The following IWS1 variants were observed in gnomAD, a reference collection of about 807,000 sequenced individuals.
The protein encoded by IWS1 is interacts with SUPT6H, CTD assembly factor 1.
Under a neutral mutation model 86.7 loss-of-function variants are expected in IWS1, and 27 were observed. That is an observed-to-expected ratio of 0.31 (90% CI 0.23 to 0.43). IWS1 has a LOEUF of 0.43. Among genes scored for constraint, IWS1 ranks in the 20% least tolerant of loss-of-function variants. The pLI, the probability that IWS1 is intolerant of heterozygous loss-of-function variation, is 1.00. For synonymous variants in IWS1, 313 were observed against 335.1 expected, an observed-to-expected ratio of 0.93 and a Z score of 0.72; for missense variants, 827 against 1,000.8, an observed-to-expected ratio of 0.83 and a Z score of 2.34.
chr2:127,488,920 G>C (rs1690071422), intron 12 of IWS1, among the ~76,000 whole-genome samples: 1 of 152,082 alleles, frequency 6.6e-6, no homozygotes, highest in Admixed American at 6.6e-5. Flanking sequence ...TTTTTAATTT[G>C]TTTTTATATT....
At chr2:127,493,234 C>T (rs780759208) in intron 9 of IWS1, 47 bp downstream of exon 9, 1 of 1,562,096 alleles carries the variant, frequency 6.4e-7, no homozygotes, top group Admixed American at 1.8e-5. Context: ...ACCATACAGA[C>T]CACATTAGAT....
intron 13 of IWS1, among the ~76,000 whole-genome samples, chr2:127,481,717 T>A (rs1456765382): frequency 6.6e-6 from 1 of 152,162 alleles, no homozygotes; most frequent in African/African-American, 2.4e-5. Context: ...CTGCTCTAAT[T>A]CAGTAACTTC....
rs781453708 is a variant in IWS1, at chr2:127,505,552, C to G, written c.351G>C (p.Gly117=). ...TGGTCTCTTCACTCTCAGAGTCGCT[C>G]CCATGCTGATTGACATCCTCATTTT... ...DSENEDVNQH[G]SDSESEETRK... is the part of the protein sequence containing the mutation. The change falls in exon 3 of 14, where the codon GGG becomes GGC. Residue 117 remains glycine (G), a synonymous_variant. Transcript: ENST00000295321. This position sits in a 1 kb window ranked among gnomAD's most constrained non-coding sequence, Gnocchi z 5.0. 6.8e-6 allele frequency: 11 copies of G among 1,613,858 alleles called. No individual in the cohort carries two copies. The Admixed American group carries it at 8.3e-5, about 12-fold the overall frequency.
intron 2 of IWS1, among the ~76,000 whole-genome samples, chr2:127,510,081 T>C (rs1691365288): frequency 6.6e-6 from 1 of 152,206 alleles, no homozygotes; most frequent in Admixed American, 6.5e-5. Flanking sequence ...TACTCTACCA[T>C]TATAAACTGG....
intron 10 of IWS1, 89 bp from the exon 11 acceptor site, chr2:127,490,032 C>T: frequency 1.3e-6 from 1 of 749,868 alleles, no homozygotes; most frequent in Non-Finnish European, 2.4e-6. Flanking sequence ...AGGGGATATT[C>T]TAGACATTTA....
Position 127,492,081 on chromosome 2 carries a change from C to T in IWS1, c.1937G>A (p.Ser646Asn), listed in dbSNP as rs201931052. Residue 646 changes from serine to asparagine, a missense_variant, in exon 10 of 14, where the codon AGT becomes AAT. Ser to Asn is a conservative substitution (Grantham distance 46). Around this residue, in one of 2 missense-constraint regions of IWS1, gnomAD observed 279 missense variants for 440.6 expected, o/e 0.63. Transcript: ENST00000295321. ...ATGCTTCAGGGTCTCCTGGCTCACA[C>T]TAGGCAGCTGGGGAACATAAACACA... ...ELLKILQELP[S>N]VSQETLKHSG... 1 of 1,611,238 alleles carries T rather than the reference C, an allele frequency of 6.2e-7. No homozygotes were observed.
rs1385744798 is a variant in IWS1, at chr2:127,499,745, T to C, written c.1468-1508A>G. Among the ~76,000 whole-genome samples, 1 of 150,564 alleles carries C rather than the reference T, an allele frequency of 6.6e-6. No individual in the cohort carries two copies. Among genetic ancestry groups the C allele is most frequent in the African/African-American group, 2.5e-5 (1 of 39,884 alleles). ...CTCTATTGCATTGGTTAAAAATAAG[T>C]ATTGTTTTTTTTTTGACCCAAGAAC... On this transcript the variant is annotated intron_variant, in intron 5 of 13. Transcript: ENST00000295321. The surrounding 1 kb of genome is among the most constrained non-coding windows in gnomAD (Gnocchi z 4.0).
rs376256065 is a variant in IWS1 at position 127,505,293 on chromosome 2, G to A, written c.610C>T (p.Pro204Ser). 16 of 1,613,352 alleles carry A rather than the reference G, an allele frequency of 9.9e-6. No homozygotes were observed. Among genetic ancestry groups the A allele is most frequent in the Non-Finnish European group, 1.4e-5 (16 of 1,179,826 alleles). The change falls in exon 3 of 14, where the codon CCC becomes TCC. Residue 204 changes from proline to serine, a missense_variant. By Grantham distance (74) the Pro-to-Ser change is moderately conservative (BLOSUM62 -1). This residue lies in a region of IWS1 where 548 missense variants were observed against 560.2 expected (regional missense o/e 0.98). Transcript: ENST00000295321. The surrounding 1 kb of genome is among the most constrained non-coding windows in gnomAD (Gnocchi z 5.0). Reference sequence around the variant, plus strand: ...TCAGAATCACTCATTCGAGGTTTGGGAGGCTCCTCATTTTCGGAGTCACTG... The same window carrying A: ...TCAGAATCACTCATTCGAGGTTTGGAAGGCTCCTCATTTTCGGAGTCACTG... ...QASDSENEEPPKPRMSDSESE... is the reference protein window; with the variant it reads ...QASDSENEEPSKPRMSDSESE...
chr2:127,500,841 T>TC (rs979644086), intron 5 of IWS1, among the ~76,000 whole-genome samples: 4 of 152,074 alleles, frequency 2.6e-5, no homozygotes, highest in Admixed American at 6.6e-5. Context: ...TGTTCCACTT[T>TC]CCCCCCCTAT....
At chr2:127,523,535 G>A (rs985451075) in intron 2 of IWS1, 141 bp downstream of exon 2, 6 of 562,034 alleles carry the variant, frequency 1.1e-5, no homozygotes, top group Middle Eastern at 3.5e-4. Context: ...TTTTTCAAGC[G>A]GTTTTCTATT....
rs957679509 is a variant in IWS1 at position 127,503,533 on chromosome 2, G to A, written c.1263C>T (p.Asp421=). Residue 421 remains aspartate (D), a synonymous_variant, in exon 4 of 14, where the codon GAC becomes GAT. Transcript: ENST00000295321. ...CTGACTTGTCTGATACAGCATCACT[G>A]TCAGAGTCATCTGCATCAGAGACAA... ...SRVVSDADDS[D]SDAVSDKSGK... is the part of the protein sequence containing the mutation. 1.2e-6 allele frequency: 2 copies of A among 1,611,798 alleles called. No homozygotes were observed. The highest frequency in any genetic ancestry group is 1.1e-5 in the South Asian group (1 of 90,712).
intron 2 of IWS1, among the ~76,000 whole-genome samples, chr2:127,518,291 G>A (rs1297441053): frequency 1.3e-5 from 2 of 152,250 alleles, no homozygotes; most frequent in South Asian, 2.1e-4. Flanking sequence ...CAAGGCGGGC[G>A]GATGGCTTGA....
chr2:127,506,327 C>T (rs1691147794), intron 2 of IWS1, among the ~76,000 whole-genome samples: 1 of 152,036 alleles, frequency 6.6e-6, no homozygotes. Flanking sequence ...GAGATTGCAC[C>T]ATCGCACTCC....
At position 127,526,294 on chromosome 2, in the gene IWS1, G is replaced by A. The variant is rs562427996; in HGVS notation, c.-86C>T. The A allele has an allele frequency of 1.3e-5, 20 of 1,543,744 alleles. No individual in the cohort carries two copies. Among genetic ancestry groups the A allele is most frequent in the South Asian group, 2.4e-5 (2 of 84,090 alleles). ...AGGCGGTGTGACCCCGGATGGCGCG[G>A]CTAAGTGTTCAGAGACTGCCGCCCG... is the stretch of plus-strand genomic sequence containing the variant. On this transcript the variant is annotated 5_prime_UTR_variant, in exon 1 of 14. Coordinates refer to ENST00000295321, the MANE Select transcript of IWS1 (RefSeq NM_017969.3).
At chr2:127,492,127 G>GGAAGCT in intron 9 of IWS1, 39 bp from the exon 10 acceptor site, 1 of 1,275,174 alleles carries the variant, frequency 7.8e-7, no homozygotes, top group South Asian at 1.2e-5. Flanking sequence ...TTAATCACTC[G>GGAAGCT]GAAGCTGGGG....
chr2:127,518,865 C>T (rs933581849), intron 2 of IWS1, among the ~76,000 whole-genome samples: 1 of 151,932 alleles, frequency 6.6e-6, no homozygotes, highest in Admixed American at 6.6e-5. Flanking sequence ...TCACCGCACC[C>T]GGCCCAAGAC....
At chr2:127,511,212 G>A (rs1261122938) in intron 2 of IWS1, 1 of 152,178 alleles carries the variant, frequency 6.6e-6, no homozygotes, top group Non-Finnish European at 1.5e-5. Context: ...TGACAGTTAA[G>A]GCTGTGGAAT....
intron 3 of IWS1, among the ~76,000 whole-genome samples, chr2:127,504,161 G>T (rs1690974494): frequency 6.6e-6 from 1 of 152,318 alleles, no homozygotes; most frequent in South Asian, 2.1e-4. Context: ...TGTGCAAATG[G>T]AGTCTTAGAT....
intron 2 of IWS1, among the ~76,000 whole-genome samples, chr2:127,511,699 A>G (rs918781644): frequency 6.6e-6 from 1 of 152,260 alleles, no homozygotes; most frequent in African/African-American, 2.4e-5. Context: ...AAATACACTC[A>G]CTAAAATGAA....
Sources: allele counts gnomAD v4.1 joint callset (sites outside exome capture counted in the v4.1 genomes callset), GRCh38; gene constraint gnomAD v4.1.1; regional missense constraint gnomAD v4.1.1; non-coding constraint Gnocchi (gnomAD v3.1); transcripts MANE v1.5; gene names NCBI Gene and HGNC (gene_info 2026-07-23, HGNC 2026-07-21).